Variants in CCDC178 observed in about 807,000 individuals in gnomAD.
CCDC178 encodes the protein coiled-coil domain containing 178.
Under a neutral mutation model 117.4 loss-of-function variants are expected in CCDC178, and 126 were observed. That is an observed-to-expected ratio of 1.07 (90% CI 0.93 to 1.24). The LOEUF is 1.24. CCDC178 is among the 50% of genes most tolerant of loss of function. CCDC178 has a pLI of 0.00. For synonymous variants in CCDC178, 283 were observed against 313.4 expected, an observed-to-expected ratio of 0.90 and a Z score of 1.02; for missense variants, 1,030 against 986.9, an observed-to-expected ratio of 1.04 and a Z score of -0.59.
At chr18:32,983,334 T>C in intron 21 of CCDC178, 1 of 1,530,038 alleles carries the variant, frequency 6.5e-7, no homozygotes, top group South Asian at 1.2e-5. Flanking sequence ...GGAAGTTTCT[T>C]AGGTAAGAAG....
intron 21 of CCDC178, among the ~76,000 whole-genome samples, chr18:32,990,729 A>T (rs1410898492): frequency 6.6e-6 from 1 of 152,094 alleles, no homozygotes; most frequent in Non-Finnish European, 1.5e-5. Flanking sequence ...CATGAAAATG[A>T]AAAAGGGAAG....
chr18:33,390,669 C>T (rs1315921538), intron 4 of CCDC178, among the ~76,000 whole-genome samples: 8 of 151,888 alleles, frequency 5.3e-5, no homozygotes. Flanking sequence ...TAACAGTTGC[C>T]TATAGTAGGT....
chr18:33,010,257 A>G (rs1013575668), intron 21 of CCDC178, among the ~76,000 whole-genome samples: 1 of 152,010 alleles, frequency 6.6e-6, no homozygotes, highest in African/African-American at 2.4e-5. Flanking sequence ...TGGGCTACTG[A>G]TCAGACCTGT....
chr18:33,418,327 G>T (rs1263481919), intron 2 of CCDC178, among the ~76,000 whole-genome samples: 1 of 151,980 alleles, frequency 6.6e-6, no homozygotes, highest in Non-Finnish European at 1.5e-5. Context: ...TGGCATCAAA[G>T]GAACATATCT....
At chr18:33,141,954 A>G (rs2058210668) in intron 20 of CCDC178, among the ~76,000 whole-genome samples, 1 of 152,180 alleles carries the variant, frequency 6.6e-6, no homozygotes, top group African/African-American at 2.4e-5. Flanking sequence ...AATCTCAGAG[A>G]TGTTAGTCCT....
At chr18:33,342,211 T>C (rs186389178) in intron 9 of CCDC178, among the ~76,000 whole-genome samples, 5 of 152,134 alleles carry the variant, frequency 3.3e-5, no homozygotes, top group East Asian at 3.9e-4. Context: ...CAAGATATGA[T>C]ATATATAAGA....
intron 22 of CCDC178, among the ~76,000 whole-genome samples, chr18:32,949,129 G>T (rs147645200): frequency 3.1e-4 from 47 of 151,746 alleles, no homozygotes; most frequent in Non-Finnish European, 1.9e-4. Flanking sequence ...ATCTTTGTTC[G>T]TCGGCACATT....
intron 3 of CCDC178, among the ~76,000 whole-genome samples, chr18:33,400,955 G>T (rs1265504806): frequency 3.3e-5 from 5 of 152,088 alleles, no homozygotes; most frequent in African/African-American, 1.2e-4. Context: ...ACTCTTAGAG[G>T]GCATTGTAAG....
At chr18:33,431,569 A>C in intron 2 of CCDC178, among the ~76,000 whole-genome samples, 1 of 152,286 alleles carries the variant, frequency 6.6e-6, no homozygotes, top group East Asian at 1.9e-4. Flanking sequence ...ATACATAGCT[A>C]TTATAACACA....
At chr18:32,947,476 C>G (rs1221661984) in intron 22 of CCDC178, among the ~76,000 whole-genome samples, 2 of 152,166 alleles carry the variant, frequency 1.3e-5, no homozygotes, top group Non-Finnish European at 2.9e-5. Flanking sequence ...AGCTTTGCAT[C>G]TACTTATTTG....
intron 20 of CCDC178, among the ~76,000 whole-genome samples, chr18:33,118,295 G>A (rs2057887935): frequency 6.6e-6 from 1 of 151,978 alleles, no homozygotes; most frequent in Admixed American, 6.6e-5. Flanking sequence ...ATGTCCTCTA[G>A]GATGTGATAT....
At chr18:33,314,544 G>A (rs1201176202) in intron 11 of CCDC178, among the ~76,000 whole-genome samples, 1 of 152,122 alleles carries the variant, frequency 6.6e-6, no homozygotes, top group African/African-American at 2.4e-5. Flanking sequence ...ACTGGTCCAA[G>A]TCTGGTCAGA....
chr18:33,137,858 C>T (rs556964892), intron 20 of CCDC178, among the ~76,000 whole-genome samples: 1 of 152,302 alleles, frequency 6.6e-6, no homozygotes, highest in East Asian at 1.9e-4. Flanking sequence ...GAGCATAGGT[C>T]CCCTGTATTT....
At position 32,963,154 on chromosome 18, in the gene CCDC178, G is replaced by C. The variant is rs553723643; in HGVS notation, c.2523+11393C>G. Among the ~76,000 whole-genome samples the C allele has an allele frequency of 2.8e-4, 43 of 152,168 alleles. 1 individual carries two copies. The South Asian group carries it at 8.9e-3, about 32-fold the overall frequency. On this transcript the variant is annotated intron_variant, in intron 22 of 22. Transcript: ENST00000383096. The stretch of plus-strand genomic sequence containing the variant: ...GGTTTATGTCCTGAGGATGAGCATG[G>C]AGGACGAAGTTTGACACATAGTAAT...
chr18:33,056,918 A>G (rs2056839840), intron 21 of CCDC178, among the ~76,000 whole-genome samples: 1 of 148,868 alleles, frequency 6.7e-6, no homozygotes, highest in Non-Finnish European at 1.5e-5. Flanking sequence ...GTCATCTTTG[A>G]TGTTGGAATT....
intron 20 of CCDC178, among the ~76,000 whole-genome samples, chr18:33,198,002 C>T (rs2058951796): frequency 6.6e-6 from 1 of 152,092 alleles, no homozygotes; most frequent in Non-Finnish European, 1.5e-5. Context: ...TATCATGACA[C>T]CCAAATTTGA....
chr18:33,417,109 T>C (rs112764384), intron 2 of CCDC178, among the ~76,000 whole-genome samples: 38 of 152,204 alleles, frequency 2.5e-4, no homozygotes, highest in African/African-American at 8.4e-4. Context: ...TAAACATATA[T>C]CCCAGATAAC....
At chr18:33,073,503 G>GCATC (rs1276256851) in intron 21 of CCDC178, among the ~76,000 whole-genome samples, 1 of 130,110 alleles carries the variant, frequency 7.7e-6, no homozygotes, top group East Asian at 2.1e-4. Context: ...ACTATAGTCA[G>GCATC]CATCTATCTA....
At chr18:33,318,281 G>A (rs952881975) in intron 11 of CCDC178, among the ~76,000 whole-genome samples, 3 of 152,138 alleles carry the variant, frequency 2.0e-5, no homozygotes, top group Non-Finnish European at 2.9e-5. Context: ...CCATCTTCTG[G>A]GTGAGTGGCT....
Sources: allele counts gnomAD v4.1 joint callset (sites outside exome capture counted in the v4.1 genomes callset), GRCh38; gene constraint gnomAD v4.1.1; transcripts MANE v1.5; gene names NCBI Gene and HGNC (gene_info 2026-07-23, HGNC 2026-07-21).